DMD: variants seen among roughly 807,000 people sequenced by gnomAD.
DMD encodes mutant dystrophin.
A neutral mutation model predicts 330.1 loss-of-function variants in DMD; 63 were observed. The observed-to-expected ratio is 0.19, with a 90% CI of 0.16 to 0.24. The LOEUF (loss-of-function observed/expected upper bound fraction) is 0.24, where lower values mean the gene tolerates loss of function less well. DMD is among the 10% of genes least tolerant of loss of function. DMD has a pLI of 1.00. For missense variants in DMD, 3,344 were observed against 2,684.1 expected (o/e 1.25, Z -5.43); for synonymous variants, 1,223 against 959.8 (o/e 1.27, Z -5.07).
intron 44 of DMD, among the ~76,000 whole-genome samples, chrX:32,089,552 T>C (rs766671173): frequency 1.2e-4 from 13 of 111,718 alleles, no homozygotes; most frequent in Non-Finnish European, 2.4e-4. Context: ...GGTTTTCTGT[T>C]TCCATATAAG....
At chrX:33,171,400 G>A (rs148693683) in intron 1 of DMD, among the ~76,000 whole-genome samples, 2 of 111,246 alleles carry the variant, frequency 1.8e-5, no homozygotes, top group Non-Finnish European at 3.8e-5. Context: ...GCTGGGACTT[G>A]TCCTACATTT....
At position 31,206,647 on chromosome X, in the gene DMD, C is replaced by G; in HGVS notation, c.9584G>C (p.Arg3195Pro). 8.3e-7 allele frequency: 1 copy of G among 1,209,513 alleles called. No homozygotes were observed. The highest frequency in any genetic ancestry group is 1.1e-6 in the Non-Finnish European group (1 of 893,854). The change falls in exon 66 of 79, where the codon CGT becomes CCT. Residue 3195 changes from arginine (R) to proline (P), a missense_variant. Physicochemically the swap from Arg to Pro is moderately radical, Grantham distance 103 (BLOSUM62 -2). Coordinates refer to ENST00000357033, the MANE Select transcript of DMD (RefSeq NM_004006.3). ...VYDTGRTGRI[R>P]VLSFKTGIIS... ...GATGCCAGTTTTAAAAGACAGGACA[C>G]GGATCCTCCCTGTTCGTCCCCTATT...
chrX:32,668,567 C>G (rs1385049474), intron 9 of DMD, among the ~76,000 whole-genome samples: 1 of 111,795 alleles, frequency 8.9e-6, no homozygotes, highest in Non-Finnish European at 1.9e-5. Context: ...GAGACAGAGT[C>G]CTACTGATCA....
intron 1 of DMD, among the ~76,000 whole-genome samples, chrX:33,242,533 C>G: frequency 8.9e-6 from 1 of 111,917 alleles, no homozygotes. Context: ...TTTGCAATTG[C>G]GCTTTGTGTT....
At chrX:32,730,272 G>C (rs1490926568) in intron 7 of DMD, among the ~76,000 whole-genome samples, 1 of 112,332 alleles carries the variant, frequency 8.9e-6, no homozygotes, top group Non-Finnish European at 1.9e-5. Context: ...CTTGACTCAG[G>C]AGTTGGAGGC....
At chrX:32,546,324 C>A (rs777916303) in intron 16 of DMD, among the ~76,000 whole-genome samples, 2 of 109,061 alleles carry the variant, frequency 1.8e-5, no homozygotes, top group South Asian at 8.1e-4. Flanking sequence ...AAGGAAGTCA[C>A]AAGAGGCCTG....
At chrX:32,667,964 AC>A (rs1294143150) in intron 9 of DMD, among the ~76,000 whole-genome samples, 1 of 101,877 alleles carries the variant, frequency 9.8e-6, no homozygotes, top group Non-Finnish European at 1.9e-5. Context: ...ACATAGCAAA[AC>A]CTTGTCACTA....
chrX:31,342,140 C>T (rs990718795), intron 61 of DMD, among the ~76,000 whole-genome samples: 1 of 111,622 alleles, frequency 9.0e-6, no homozygotes, highest in Admixed American at 9.6e-5. Flanking sequence ...AAGCTTATCT[C>T]CAGTTAGGAA....
Position 31,292,972 on chromosome X carries a change from A to G in DMD, c.9224+30626T>C, listed in dbSNP as rs775137299. ...GGGAGGAATAGTGATTGGGAGAGGG[A>G]ATGTGGGTGAGGTAGGGTGGTGATT... is the stretch of plus-strand genomic sequence containing the variant. On this transcript the variant is annotated intron_variant, in intron 62 of 78. Transcript: ENST00000357033. 2.5e-3 allele frequency among the ~76,000 whole-genome samples: 279 copies of G among 110,691 alleles called. 2 individuals carry two copies. The highest frequency in any genetic ancestry group is 8.9e-3 in the African/African-American group (271 of 30,319).
At chrX:32,979,462 T>G (rs1405552912) in intron 2 of DMD, among the ~76,000 whole-genome samples, 1 of 111,838 alleles carries the variant, frequency 8.9e-6, no homozygotes, top group Non-Finnish European at 1.9e-5. Flanking sequence ...TATAACTTTT[T>G]CCCTTTTGTC....
chrX:31,357,498 G>A (rs1369555809), intron 60 of DMD, among the ~76,000 whole-genome samples: 1 of 111,657 alleles, frequency 9.0e-6, no homozygotes. Context: ...AGTGGCAGAA[G>A]CTTTTATATT....
At chrX:32,606,699 A>T (rs1008354184) in intron 12 of DMD, among the ~76,000 whole-genome samples, 9 of 98,713 alleles carry the variant, frequency 9.1e-5, no homozygotes, top group African/African-American at 3.4e-4. Flanking sequence ...TGATATGCAC[A>T]TGTATATATG....
intron 44 of DMD, among the ~76,000 whole-genome samples, chrX:32,070,489 C>G (rs1478645632): frequency 1.8e-5 from 2 of 110,952 alleles, no homozygotes; most frequent in African/African-American, 6.6e-5. Flanking sequence ...CTGAGAATAT[C>G]ACTTGCAATT....
chrX:32,827,784 C>T (rs1001717617), intron 4 of DMD, among the ~76,000 whole-genome samples: 7 of 109,974 alleles, frequency 6.4e-5, no homozygotes, highest in Non-Finnish European at 1.1e-4. Context: ...GCCTCAGCCT[C>T]CCAAGTAGCT....
At chrX:33,128,247 A>T in intron 1 of DMD, 1 of 1,156,448 alleles carries the variant, frequency 8.6e-7, no homozygotes, top group South Asian at 2.0e-5. Flanking sequence ...TCTCTTACAC[A>T]TTCTATGGGG....
chrX:32,904,871 C>T (rs753383163), intron 2 of DMD, among the ~76,000 whole-genome samples: 2 of 112,314 alleles, frequency 1.8e-5, no homozygotes, highest in Non-Finnish European at 3.8e-5. Context: ...CCACTGCACT[C>T]AGCCCATAAT....
intron 51 of DMD, among the ~76,000 whole-genome samples, chrX:31,743,359 TAAAAC>T (rs1327179173): frequency 8.9e-6 from 1 of 112,401 alleles, no homozygotes; most frequent in African/African-American, 3.2e-5. Flanking sequence ...ATAGCCCAAA[TAAAAC>T]AAATTGCTTT....
intron 1 of DMD, among the ~76,000 whole-genome samples, chrX:33,315,371 A>G (rs150400469): frequency 0.023 from 2,632 of 112,086 alleles, 39 homozygotes; most frequent in Non-Finnish European, 0.037. Context: ...TGCAGCTTTT[A>G]GGTTACACTG....
intron 7 of DMD, among the ~76,000 whole-genome samples, chrX:32,766,101 T>A: frequency 9.0e-6 from 1 of 111,624 alleles, no homozygotes. Flanking sequence ...TTATGGTAGC[T>A]TTGTAGTAAG....
Sources: allele counts gnomAD v4.1 joint callset (sites outside exome capture counted in the v4.1 genomes callset), GRCh38; gene constraint gnomAD v4.1.1; transcripts MANE v1.5; gene names NCBI Gene and HGNC (gene_info 2026-07-23, HGNC 2026-07-21).